The following ZSWIM1 variants were observed in gnomAD, a reference collection of about 807,000 sequenced individuals.
The protein encoded by ZSWIM1 is zinc finger SWIM domain-containing protein 1.
Under a neutral mutation model 29.3 loss-of-function variants are expected in ZSWIM1, and 22 were observed. The ratio of observed to expected loss-of-function variants is 0.75; its 90% confidence interval spans 0.54 to 1.07. The LOEUF (loss-of-function observed/expected upper bound fraction) is 1.07. ZSWIM1 is among the 50% of genes least tolerant of loss of function. The pLI is 0.00. For synonymous variants in ZSWIM1, 228 were observed against 240.8 expected, an observed-to-expected ratio of 0.95 and a Z score of 0.49; for missense variants, 511 against 596.2, an observed-to-expected ratio of 0.86 and a Z score of 1.49.
At position 45,884,156 on chromosome 20, in the gene ZSWIM1, T is replaced by C; in HGVS notation, c.*106T>C. ...CACACACACACACTCCCTTACACTG[T>C]TGTACTTCCGTGGGCCCTCCTTCCA... On this transcript the variant is annotated 3_prime_UTR_variant, in exon 2 of 2. Coordinates refer to ENST00000372523, the MANE Select transcript of ZSWIM1 (RefSeq NM_080603.5). The C allele has an allele frequency of 9.5e-7, 1 of 1,052,638 alleles. No homozygotes were observed. The highest frequency in any genetic ancestry group is 1.3e-6 in the Non-Finnish European group (1 of 762,832). The allele number at this position is 1,052,638 out of a possible 1,614,324, so 65.2% of individuals were successfully genotyped here.
In ZSWIM1 at chr20:45,884,156, T is replaced by A. The variant is rs1986404384; in HGVS notation, c.*106T>A. The A allele has an allele frequency of 9.5e-7, 1 of 1,052,554 alleles. No homozygotes were observed. The allele number at this position is 1,052,554 out of a possible 1,614,324, so 65.2% of individuals were successfully genotyped here. A position where few individuals can be genotyped will look rare whatever the true frequency, so the allele number is the denominator to read the frequency against. Reference sequence around the variant, plus strand: ...CACACACACACACTCCCTTACACTGTTGTACTTCCGTGGGCCCTCCTTCCA... The same window carrying A: ...CACACACACACACTCCCTTACACTGATGTACTTCCGTGGGCCCTCCTTCCA... On this transcript the variant is annotated 3_prime_UTR_variant, in exon 2 of 2. Coordinates refer to ENST00000372523, the MANE Select transcript of ZSWIM1 (RefSeq NM_080603.5).
chr20:45,882,872 A>G lies in ZSWIM1; in HGVS notation c.280A>G (p.Thr94Ala), dbSNP rs1048849081. ...TAACCCAAGGGGTAAGGTCTTATATACCTTCCTGGTGGATGGACCTCGGGT... is the reference window on the plus strand; with the variant it reads ...TAACCCAAGGGGTAAGGTCTTATATGCCTTCCTGGTGGATGGACCTCGGGT... ...TYNPRGKVLY[T>A]FLVDGPRVQL... is the part of the protein sequence containing the mutation. Residue 94 changes from threonine (T) to alanine (A), a missense_variant, in exon 2 of 2, where the codon ACC (threonine) becomes GCC (alanine). By Grantham distance (58) the Thr-to-Ala change is moderately conservative. Coordinates refer to ENST00000372523, the MANE Select transcript of ZSWIM1 (RefSeq NM_080603.5). 1.2e-6 allele frequency: 2 copies of G among 1,614,154 alleles called. No individual in the cohort carries two copies. Among genetic ancestry groups the G allele is most frequent in the Non-Finnish European group, 1.7e-6 (2 of 1,180,034 alleles).
At position 45,883,969 on chromosome 20, in the gene ZSWIM1, G is replaced by A. The variant is rs1364289865; in HGVS notation, c.1377G>A (p.Lys459=). Reference sequence around the variant, plus strand: ...GTCAGCTGTTGCAGCACTGCACCAAGGAGGAGTTTGAGCGGAGGTATAGCA... The same window carrying A: ...GTCAGCTGTTGCAGCACTGCACCAAAGAGGAGTTTGAGCGGAGGTATAGCA... ...EVGQLLQHCT[K]EEFERRYSTL... Residue 459 remains lysine (K), a synonymous_variant, in exon 2 of 2, where the codon AAG becomes AAA. Transcript: ENST00000372523. The A allele has an allele frequency of 1.9e-6, 3 of 1,614,178 alleles. No homozygotes were observed. The highest frequency in any genetic ancestry group is 2.5e-6 in the Non-Finnish European group (3 of 1,180,036).
intron 1 of ZSWIM1, among the ~76,000 whole-genome samples, chr20:45,882,035 G>T (rs1331523272): frequency 6.6e-6 from 1 of 152,182 alleles, no homozygotes; most frequent in African/African-American, 2.4e-5. Context: ...ATTTTTAGTA[G>T]AGACGGGTTT....
At chr20:45,882,453 T>C in intron 1 of ZSWIM1, 80 bp from the exon 2 acceptor site, 2 of 984,982 alleles carry the variant, frequency 2.0e-6, no homozygotes, top group Admixed American at 2.5e-5. Flanking sequence ...ATATAGTAAG[T>C]GTTCAACAAA....
At position 45,884,282 on chromosome 20, in the gene ZSWIM1, A is replaced by C; in HGVS notation, c.*232A>C. 1.9e-6 allele frequency: 1 copy of C among 512,952 alleles called. No individual in the cohort carries two copies. Among genetic ancestry groups the C allele is most frequent in the Non-Finnish European group, 3.5e-6 (1 of 287,138 alleles). The allele number at this position is 512,952 out of a possible 1,614,324, so 31.8% of individuals were successfully genotyped here. A position where few individuals can be genotyped will look rare whatever the true frequency, so the allele number is the denominator to read the frequency against. ...AATGAGACAGGAGTCAGCAAATCTT[A>C]ATCTGTTTAGTTTACTCAGGTGGCC... On this transcript the variant is annotated 3_prime_UTR_variant, in exon 2 of 2. Coordinates refer to ENST00000372523, the MANE Select transcript of ZSWIM1 (RefSeq NM_080603.5).
Position 45,882,836 on chromosome 20 carries a change from C to T in ZSWIM1, c.244C>T (p.His82Tyr), listed in dbSNP as rs1485432704. 1.2e-6 allele frequency: 2 copies of T among 1,614,216 alleles called. No individual in the cohort carries two copies. Among genetic ancestry groups the T allele is most frequent in the Non-Finnish European group, 1.7e-6 (2 of 1,180,044 alleles). The change falls in exon 2 of 2, where the codon CAC (histidine) becomes TAC (tyrosine). Residue 82 changes from histidine (H) to tyrosine (Y), a missense_variant. By Grantham distance (83) the His-to-Tyr change is moderately conservative. Transcript: ENST00000372523. The stretch of plus-strand genomic sequence containing the variant: ...CCATTTCCCTGAGATCTTATTTATC[C>T]ACCGGACCTATAACCCAAGGGGTAA... ...FDHFPEILFIHRTYNPRGKVL... is the reference protein window; with the variant it reads ...FDHFPEILFIYRTYNPRGKVL...
In ZSWIM1 at chr20:45,883,551, A is replaced by T; in HGVS notation, c.959A>T (p.Gln320Leu). ...ATCCCCGAAAGCCCCAAACTGGAGC[A>T]GCTGGTAGAATCCCACATCCAGCAC... Reference protein sequence around the residue: ...DTIPESPKLEQLVESHIQHSL... With the variant: ...DTIPESPKLELLVESHIQHSL... The change falls in exon 2 of 2, where the codon CAG becomes CTG. Residue 320 changes from glutamine to leucine, a missense_variant. Physicochemically the swap from Gln to Leu is moderately radical, Grantham distance 113. Coordinates refer to ENST00000372523, the MANE Select transcript of ZSWIM1 (RefSeq NM_080603.5). The T allele has an allele frequency of 6.2e-7, 1 of 1,614,252 alleles. No homozygotes were observed. Among genetic ancestry groups the T allele is most frequent in the Non-Finnish European group, 8.5e-7 (1 of 1,180,044 alleles).
At chr20:45,882,286 C>T (rs991611938) in intron 1 of ZSWIM1, among the ~76,000 whole-genome samples, 8 of 152,232 alleles carry the variant, frequency 5.3e-5, no homozygotes, top group African/African-American at 1.9e-4. Flanking sequence ...CCTGAGAGGC[C>T]TTCCATTACC....
In ZSWIM1 at chr20:45,883,867, A is replaced by G. The variant is rs1568754180; in HGVS notation, c.1275A>G (p.Leu425=). ...GGACGGCAGGCTGTGCTACCAGTCT[A>G]GACAGCATCCTGGGCAGCAAGTGGA... is the stretch of plus-strand genomic sequence containing the variant. ...AQWTAGCATS[L]DSILGSKWSE... is the part of the protein sequence containing the mutation. Residue 425 remains leucine (L), a synonymous_variant, in exon 2 of 2, where the codon CTA becomes CTG. Transcript: ENST00000372523. 1 of 1,613,870 alleles carries G rather than the reference A, an allele frequency of 6.2e-7. No homozygotes were observed.
chr20:45,883,097 T>C lies in ZSWIM1; in HGVS notation c.505T>C (p.Ser169Pro). 1 of 1,614,198 alleles carries C rather than the reference T, an allele frequency of 6.2e-7. No homozygotes were observed. Among genetic ancestry groups the C allele is most frequent in the Non-Finnish European group, 8.5e-7 (1 of 1,180,020 alleles). The change falls in exon 2 of 2, where the codon TCA becomes CCA. Residue 169 changes from serine to proline, a missense_variant. By Grantham distance (74) the Ser-to-Pro change is moderately conservative. Transcript: ENST00000372523. Reference protein sequence around the residue: ...MEFPTAEVLLSAFHICKFLQA... With the variant: ...MEFPTAEVLLPAFHICKFLQA... ...GTTCCCCACAGCTGAGGTCCTTCTC[T>C]CAGCCTTCCACATTTGTAAGTTCCT...
rs2145800908 is a variant in ZSWIM1 at position 45,883,925 on chromosome 20, C to T, written c.1333C>T (p.His445Tyr). 2 of 1,614,154 alleles carry T rather than the reference C, an allele frequency of 1.2e-6. No homozygotes were observed. The highest frequency in any genetic ancestry group is 1.7e-6 in the Non-Finnish European group (2 of 1,180,042). Residue 445 changes from histidine to tyrosine, a missense_variant, in exon 2 of 2, where the codon CAC (histidine) becomes TAC (tyrosine). Physicochemically the swap from His to Tyr is moderately conservative, Grantham distance 83 (BLOSUM62 2). Transcript: ENST00000372523. ...ETLDKHLAVT[H>Y]LTEEVGQLLQ... The stretch of plus-strand genomic sequence containing the variant: ...CCTGGATAAGCACCTGGCAGTGACT[C>T]ACCTCACCGAGGAGGTGGGTCAGCT...
Position 45,883,404 on chromosome 20 carries a change from C to T in ZSWIM1, c.812C>T (p.Thr271Ile). ...TTHILSQFFG[T>I]TPSEKQGMAS... ...CACATCCTCAGCCAGTTCTTTGGTA[C>T]CACCCCATCTGAGAAACAAGGTATG... is the stretch of plus-strand genomic sequence containing the variant. Residue 271 changes from threonine to isoleucine, a missense_variant, in exon 2 of 2, where the codon ACC (threonine) becomes ATC (isoleucine). Coordinates refer to ENST00000372523, the MANE Select transcript of ZSWIM1 (RefSeq NM_080603.5). 2.5e-6 allele frequency: 4 copies of T among 1,614,232 alleles called. No homozygotes were observed. Among genetic ancestry groups the T allele is most frequent in the Non-Finnish European group, 3.4e-6 (4 of 1,180,052 alleles).
At position 45,883,750 on chromosome 20, in the gene ZSWIM1, T is replaced by C; in HGVS notation, c.1158T>C (p.Phe386=). The part of the protein sequence containing the change: ...PQPPASCSCY[F]NQAFHLPCRH... ...CCCCTGCCAGCTGCAGCTGCTACTT[T>C]AACCAGGCCTTCCACCTGCCCTGCC... is the stretch of plus-strand genomic sequence containing the variant. Residue 386 remains phenylalanine (F), a synonymous_variant, in exon 2 of 2, where the codon TTT becomes TTC. Transcript: ENST00000372523. 6.2e-7 allele frequency: 1 copy of C among 1,613,934 alleles called. No individual in the cohort carries two copies. The highest frequency in any genetic ancestry group is 1.1e-5 in the South Asian group (1 of 91,084).
rs71181872 is a variant in ZSWIM1 at position 45,884,105 on chromosome 20, TACACACACACACAC to T, written c.*80_*93del. 161 of 1,089,612 alleles carry T rather than the reference TACACACACACACAC, an allele frequency of 1.5e-4. No individual in the cohort carries two copies. Among genetic ancestry groups the T allele is most frequent in the Middle Eastern group, 6.1e-4 (2 of 3,278 alleles). The allele number at this position is 1,089,612 out of a possible 1,614,324, so 67.5% of individuals were successfully genotyped here. ...ACCTGTGCACACTCACATCCACCCA[TACACACACACACAC>T]ACACACACACACACACACACACACT... On this transcript the variant is annotated 3_prime_UTR_variant, in exon 2 of 2. Coordinates refer to ENST00000372523, the MANE Select transcript of ZSWIM1 (RefSeq NM_080603.5).
rs139446663 is a variant in ZSWIM1 at position 45,883,834 on chromosome 20, G to A, written c.1242G>A (p.Pro414=). The A allele has an allele frequency of 1.1e-5, 17 of 1,613,484 alleles. No homozygotes were observed. Among genetic ancestry groups the A allele is most frequent in the South Asian group, 2.2e-5 (2 of 91,084 alleles). Residue 414 remains proline (P), a synonymous_variant, in exon 2 of 2, where the codon CCG becomes CCA. Coordinates refer to ENST00000372523, the MANE Select transcript of ZSWIM1 (RefSeq NM_080603.5). ...RRQVLQPDML[P]AQWTAGCATS... is the part of the protein sequence containing the mutation. ...AGGTGCTCCAGCCCGACATGCTGCC[G>A]GCTCAGTGGACGGCAGGCTGTGCTA...
chr20:45,881,020 G>C (rs1467166287), upstream of ZSWIM1, among the ~76,000 whole-genome samples: 1 of 152,228 alleles, frequency 6.6e-6, no homozygotes, highest in Non-Finnish European at 1.5e-5. Flanking sequence ...CCAGCTTCAA[G>C]GCTCAGCTCT....
rs1986320016 is a variant in ZSWIM1 at position 45,882,916 on chromosome 20, T to A, written c.324T>A (p.Leu108=). 6.2e-7 allele frequency: 1 copy of A among 1,614,120 alleles called. No individual in the cohort carries two copies. Among genetic ancestry groups the A allele is most frequent in the Non-Finnish European group, 8.5e-7 (1 of 1,180,040 alleles). Residue 108 remains leucine, a synonymous_variant, in exon 2 of 2, where the codon CTT becomes CTA. Coordinates refer to ENST00000372523, the MANE Select transcript of ZSWIM1 (RefSeq NM_080603.5). ...DGPRVQLEGH[L]ARAVYFAIPA... is the part of the protein sequence containing the mutation. Reference sequence around the variant, plus strand: ...CTCGGGTGCAGCTGGAGGGTCATCTTGCCCGAGCAGTCTACTTTGCCATCC... The same window carrying A: ...CTCGGGTGCAGCTGGAGGGTCATCTAGCCCGAGCAGTCTACTTTGCCATCC...
chr20:45,884,957 G>C lies in ZSWIM1; in HGVS notation c.*907G>C, dbSNP rs1986432873. The C allele has an allele frequency of 6.0e-6, 1 of 166,686 alleles. No individual in the cohort carries two copies. The highest frequency in any genetic ancestry group is 1.5e-5 in the Non-Finnish European group (1 of 68,148). 10.3% of individuals were successfully genotyped at this position (166,686 alleles called of 1,614,324 possible). ...AACCTGGGAGGCAGAGGTTGCAGTA[G>C]GCCAAGATCCTGCTGCCACTGCACT... On this transcript the variant is annotated 3_prime_UTR_variant, in exon 2 of 2. Transcript: ENST00000372523.
Sources: allele counts gnomAD v4.1 joint callset (sites outside exome capture counted in the v4.1 genomes callset), GRCh38; gene constraint gnomAD v4.1.1; transcripts MANE v1.5; gene names NCBI Gene and HGNC (gene_info 2026-07-23, HGNC 2026-07-21).